RNASEH2B: variants seen among roughly 807,000 people sequenced by gnomAD.
The protein encoded by RNASEH2B is Aicardi-Goutieres syndrome 2 protein.
A neutral mutation model predicts 45.0 loss-of-function variants in RNASEH2B; 36 were observed. That is an observed-to-expected ratio of 0.80 (90% CI 0.61 to 1.06). RNASEH2B has a LOEUF of 1.06. Ranked by LOEUF, RNASEH2B falls within the 50% of genes least tolerant of loss-of-function variation. The probability of loss-of-function intolerance (pLI) is 0.00; values close to 1 mark genes in which losing one functional copy is unlikely to be tolerated. For missense variants in RNASEH2B, 361 were observed against 360.3 expected (o/e 1.00, Z -0.02); for synonymous variants, 119 against 125.7 (o/e 0.95, Z 0.35).
At chr13:50,966,244 C>T (rs979602905) in intron 9 of RNASEH2B, among the ~76,000 whole-genome samples, 1 of 152,154 alleles carries the variant, frequency 6.6e-6, no homozygotes, top group African/African-American at 2.4e-5. Context: ...AATGCATACC[C>T]ACATATGGCA....
chr13:50,963,413 C>T (rs1952132669), intron 9 of RNASEH2B, among the ~76,000 whole-genome samples: 1 of 152,176 alleles, frequency 6.6e-6, no homozygotes, highest in East Asian at 1.9e-4. Flanking sequence ...ATCCGCCCAC[C>T]TCAGCCTCCC....
At chr13:50,922,040 A>T (rs546065234) in intron 1 of RNASEH2B, among the ~76,000 whole-genome samples, 1 of 152,206 alleles carries the variant, frequency 6.6e-6, no homozygotes, top group Admixed American at 6.5e-5. Context: ...TCCCTATTTG[A>T]CTTTTCTCAC....
intron 7 of RNASEH2B, among the ~76,000 whole-genome samples, chr13:50,946,441 G>A (rs1166207237): frequency 2.0e-5 from 3 of 152,176 alleles, no homozygotes; most frequent in Non-Finnish European, 4.4e-5. Context: ...TGCCATTCTG[G>A]GAGTGGTGGA....
At chr13:50,954,064 G>A (rs917519640) in intron 10 of RNASEH2B, 79 bp downstream of exon 10, 7 of 858,968 alleles carry the variant, frequency 8.1e-6, no homozygotes, top group Admixed American at 1.8e-5. Context: ...ACAGTTGCAC[G>A]CTTGATTGTG....
exon 10 of RNASEH2B, chr13:50,970,216 G>A (rs1319213753): frequency 3.4e-6 from 2 of 580,604 alleles, no homozygotes; most frequent in Non-Finnish European, 6.0e-6. Context: ...CGGTGCACCT[G>A]TTCAGTCTGA....
chr13:50,949,609 C>A lies in RNASEH2B; in HGVS notation c.741+104C>A. 3.8e-6 allele frequency: 4 copies of A among 1,043,964 alleles called. No individual in the cohort carries two copies. The South Asian group carries it at 3.9e-5, about 10-fold the overall frequency. The allele number at this position is 1,043,964 out of a possible 1,614,324, so 64.7% of individuals were successfully genotyped here. A position where few individuals can be genotyped will look rare whatever the true frequency, so the allele number is the denominator to read the frequency against. On this transcript the variant is annotated intron_variant, in intron 9 of 10. Transcript: ENST00000336617. The stretch of plus-strand genomic sequence containing the variant: ...AATATATTTTAAGGTGTACTAAATC[C>A]ATTTTGCATGGAGTGATGCCATGTG...
intron 9 of RNASEH2B, among the ~76,000 whole-genome samples, chr13:50,969,532 A>AAAG (rs1555259597): frequency 4.0e-4 from 61 of 151,934 alleles, no homozygotes; most frequent in Admixed American, 8.5e-4. Context: ...CAAAAAAAAA[A>AAAG]AAAAAAGAAA....
At position 50,953,715 on chromosome 13, in the gene RNASEH2B, T is replaced by G. The variant is rs60701972; in HGVS notation, c.742-190T>G. The stretch of plus-strand genomic sequence containing the variant: ...CATCACCAAGGCTGCTTCTTAGGAG[T>G]GATGTGTGGCTCAATTCCCTAGATG... On this transcript the variant is annotated intron_variant, in intron 9 of 10. Coordinates refer to ENST00000336617, the MANE Select transcript of RNASEH2B (RefSeq NM_024570.4). 5.2e-4 allele frequency: 318 copies of G among 609,440 alleles called. No individual in the cohort carries two copies. The African/African-American group carries it at 5.4e-3, about 10-fold the overall frequency. 37.8% of individuals were successfully genotyped at this position (609,440 alleles called of 1,614,324 possible). A position where few individuals can be genotyped will look rare whatever the true frequency, so the allele number is the denominator to read the frequency against.
intron 6 of RNASEH2B, 152 bp downstream of exon 6, chr13:50,943,546 G>A: frequency 1.5e-6 from 1 of 666,914 alleles, no homozygotes; most frequent in Non-Finnish European, 2.7e-6. Context: ...TGAGAAGAAG[G>A]CTTTGACTTT....
intron 1 of RNASEH2B, among the ~76,000 whole-genome samples, chr13:50,923,245 G>C (rs1429322481): frequency 6.6e-6 from 1 of 151,964 alleles, no homozygotes; most frequent in Non-Finnish European, 1.5e-5. Flanking sequence ...AGAAGAGAAG[G>C]GTGGAAGAGG....
At chr13:50,956,975 T>A (rs1452748337), downstream of RNASEH2B, among the ~76,000 whole-genome samples, 1 of 151,498 alleles carries the variant, frequency 6.6e-6, no homozygotes. Flanking sequence ...CTCGGCTCAC[T>A]TTTTAGAAAA....
rs1233328644 is a variant in RNASEH2B, at chr13:50,956,571, AG to A, written c.*98del. On this transcript the variant is annotated 3_prime_UTR_variant, in exon 11 of 11. Coordinates refer to ENST00000336617, the MANE Select transcript of RNASEH2B (RefSeq NM_024570.4). ...TGACTACCTTTGGTTGGGGGAAGGA[AG>A]AGGCCAATTTCATGTTCTCTTAAAC... 1 of 1,526,466 alleles carries A rather than the reference AG, an allele frequency of 6.6e-7. No homozygotes were observed. The allele number at this position is 1,526,466 out of a possible 1,614,324, so 94.6% of individuals were successfully genotyped here. A position where few individuals can be genotyped will look rare whatever the true frequency, so the allele number is the denominator to read the frequency against.
chr13:50,924,202 T>C (rs1265052005), intron 1 of RNASEH2B, among the ~76,000 whole-genome samples: 1 of 152,188 alleles, frequency 6.6e-6, no homozygotes, highest in East Asian at 1.9e-4. Flanking sequence ...TAAATATAAA[T>C]GCACTAAGCA....
chr13:50,956,751 T>C lies in RNASEH2B; in HGVS notation c.*277T>C, dbSNP rs983490510. On this transcript the variant is annotated 3_prime_UTR_variant, in exon 11 of 11. Transcript: ENST00000336617. ...CATCATGATTTTCTCAATAAACTGA[T>C]GTGTGACAATGTTAGAGTGTATGAC... 10 of 1,183,690 alleles carry C rather than the reference T, an allele frequency of 8.4e-6. 1 individual carries two copies. The highest frequency in any genetic ancestry group is 3.7e-4 in the Middle Eastern group (1 of 2,702). The allele number at this position is 1,183,690 out of a possible 1,614,324, so 73.3% of individuals were successfully genotyped here. A position where few individuals can be genotyped will look rare whatever the true frequency, so the allele number is the denominator to read the frequency against.
At chr13:50,914,423 C>T (rs1463690926) in intron 1 of RNASEH2B, among the ~76,000 whole-genome samples, 2 of 152,200 alleles carry the variant, frequency 1.3e-5, no homozygotes, top group East Asian at 1.9e-4. Context: ...TAGACAACCT[C>T]GGAATAATTA....
At chr13:50,926,045 A>G (rs1040434536) in intron 1 of RNASEH2B, among the ~76,000 whole-genome samples, 2 of 151,908 alleles carry the variant, frequency 1.3e-5, no homozygotes, top group African/African-American at 2.4e-5. Flanking sequence ...CCTTGAGAAT[A>G]GTTGTTTCAT....
Position 50,956,519 on chromosome 13 carries a change from T to A in RNASEH2B, c.*45T>A. On this transcript the variant is annotated 3_prime_UTR_variant, in exon 11 of 11. Transcript: ENST00000336617. ...AGCAAAAATATTTGCTTTTTACATG[T>A]TTCAGTTTGTCCTTCCTGACTGTTA... 3.8e-6 allele frequency: 6 copies of A among 1,565,348 alleles called. No individual in the cohort carries two copies. Among genetic ancestry groups the A allele is most frequent in the Non-Finnish European group, 5.2e-6 (6 of 1,151,660 alleles).
At chr13:50,963,079 C>T (rs1952127131) in intron 9 of RNASEH2B, among the ~76,000 whole-genome samples, 1 of 151,904 alleles carries the variant, frequency 6.6e-6, no homozygotes, top group South Asian at 2.1e-4. Flanking sequence ...CTAGGTGTAT[C>T]TTCAAGTTTA....
intron 9 of RNASEH2B, among the ~76,000 whole-genome samples, chr13:50,963,651 T>A (rs995276260): frequency 6.6e-6 from 1 of 152,190 alleles, no homozygotes; most frequent in Non-Finnish European, 1.5e-5. Flanking sequence ...ATTTTTCTCC[T>A]CTCTCTTTTA....
Sources: gnomAD v4.1 joint callset for allele counts (sites outside exome capture counted in the v4.1 genomes callset) on GRCh38, gnomAD v4.1.1 for gene constraint, MANE v1.5 for transcripts, NCBI Gene and HGNC (gene_info 2026-07-23, HGNC 2026-07-21) for gene names.